Variants in SOHLH2 observed in about 807,000 individuals in gnomAD.
The protein encoded by SOHLH2 is spermatogenesis and oogenesis specific basic helix-loop-helix 2.
In SOHLH2, 22 loss-of-function variants were observed where a neutral mutation model predicts 50.4. The ratio of observed to expected loss-of-function variants is 0.44; its 90% CI spans 0.31 to 0.62. The LOEUF is 0.62. Ranked by LOEUF, SOHLH2 falls within the 20% of genes least tolerant of loss-of-function variation. The probability of loss-of-function intolerance (pLI) is 0.08; values close to 1 mark genes in which losing one functional copy is unlikely to be tolerated. For synonymous variants in SOHLH2, 185 were observed against 187.3 expected (o/e 0.99, Z 0.10); for missense variants, 412 against 504.4 (o/e 0.82, Z 1.76).
At chr13:36,189,924 A>G (rs937064169) in intron 6 of SOHLH2, 22 bp downstream of exon 6, 2 of 1,555,938 alleles carry the variant, frequency 1.3e-6, no homozygotes, top group African/African-American at 1.4e-5. Flanking sequence ...TAATGCTTAA[A>G]AAGTGCTATA....
intron 1 of SOHLH2, among the ~76,000 whole-genome samples, chr13:36,208,183 A>G (rs1301324974): frequency 6.6e-6 from 1 of 152,130 alleles, no homozygotes. Context: ...TGAAAGTTAT[A>G]CCCTCTGTTC....
chr13:36,193,540 C>G, intron 4 of SOHLH2, 81 bp downstream of exon 4: 1 of 1,393,136 alleles, frequency 7.2e-7, no homozygotes, highest in Non-Finnish European at 9.7e-7. Context: ...TTTATTTATG[C>G]TTGTTTTTGT....
At chr13:36,190,740 A>C (rs559212153) in intron 5 of SOHLH2, among the ~76,000 whole-genome samples, 1 of 152,340 alleles carries the variant, frequency 6.6e-6, no homozygotes, top group South Asian at 2.1e-4. Context: ...TTTTTTAAAA[A>C]GAAAAGCAGT....
chr13:36,183,077 T>C, intron 6 of SOHLH2: 2 of 253,710 alleles, frequency 7.9e-6, no homozygotes, highest in Admixed American at 3.4e-5. Context: ...GGCCTCTCCT[T>C]TCTCTCTCTC....
intron 9 of SOHLH2, among the ~76,000 whole-genome samples, chr13:36,171,036 T>C (rs1282937456): frequency 6.6e-6 from 1 of 152,208 alleles, no homozygotes; most frequent in Non-Finnish European, 1.5e-5. Flanking sequence ...AAGATCCCTG[T>C]GCCTTCTGAT....
chr13:36,191,217 G>A (rs910445183), intron 5 of SOHLH2, among the ~76,000 whole-genome samples: 1 of 152,174 alleles, frequency 6.6e-6, no homozygotes, highest in Middle Eastern at 3.2e-3. Flanking sequence ...ATGAGAGAGA[G>A]AGAGACAGAG....
chr13:36,173,218 T>A (rs115829215), intron 9 of SOHLH2, among the ~76,000 whole-genome samples: 1 of 152,168 alleles, frequency 6.6e-6, no homozygotes, highest in African/African-American at 2.4e-5. Flanking sequence ...TAATGGAAGA[T>A]AGGCAACAAA....
chr13:36,175,947 T>C (rs2138271264), intron 6 of SOHLH2, among the ~76,000 whole-genome samples: 1 of 152,154 alleles, frequency 6.6e-6, no homozygotes, highest in South Asian at 2.1e-4. Flanking sequence ...TCCTGAGGAG[T>C]GAATCTAAAA....
At chr13:36,204,139 T>C (rs1477205261) in intron 1 of SOHLH2, among the ~76,000 whole-genome samples, 1 of 151,808 alleles carries the variant, frequency 6.6e-6, no homozygotes, top group Non-Finnish European at 1.5e-5. Flanking sequence ...TTAGTAGAGA[T>C]GAGGTTTCAC....
chr13:36,212,136 G>C (rs1039242367), intron 1 of SOHLH2, among the ~76,000 whole-genome samples: 1 of 152,142 alleles, frequency 6.6e-6, no homozygotes, highest in Non-Finnish European at 1.5e-5. Context: ...AGAAATCTGA[G>C]GGTAGGTAGG....
intron 2 of SOHLH2, among the ~76,000 whole-genome samples, chr13:36,194,076 A>C (rs1214914790): frequency 6.6e-6 from 1 of 151,954 alleles, no homozygotes; most frequent in Non-Finnish European, 1.5e-5. Context: ...AAATGAAAAA[A>C]AAAAGCCTAA....
At chr13:36,205,842 T>C (rs748089320) in intron 1 of SOHLH2, among the ~76,000 whole-genome samples, 2 of 152,056 alleles carry the variant, frequency 1.3e-5, no homozygotes, top group African/African-American at 4.8e-5. Flanking sequence ...AAGACATTTA[T>C]AGAGCTGGAT....
chr13:36,189,287 A>G (rs1303770926), intron 6 of SOHLH2, among the ~76,000 whole-genome samples: 1 of 152,094 alleles, frequency 6.6e-6, no homozygotes, highest in Non-Finnish European at 1.5e-5. Context: ...CTTTGCTAAA[A>G]TCCTTTAGCA....
intron 1 of SOHLH2, among the ~76,000 whole-genome samples, chr13:36,204,590 AGGGGTGTGTG>A (rs752959800): frequency 4.6e-5 from 7 of 152,070 alleles, no homozygotes; most frequent in East Asian, 1.9e-4. Context: ...AATGCCAGGT[AGGGGTGTGTG>A]GGGGTGTGTG....
At chr13:36,182,033 T>G in intron 6 of SOHLH2, 1 of 979,992 alleles carries the variant, frequency 1.0e-6, no homozygotes, top group Non-Finnish European at 1.2e-6. Flanking sequence ...TTTATTAATG[T>G]TTTAAAAACC....
At chr13:36,196,526 G>A (rs543161587) in intron 2 of SOHLH2, among the ~76,000 whole-genome samples, 6 of 152,272 alleles carry the variant, frequency 3.9e-5, no homozygotes, top group Admixed American at 3.9e-4. Context: ...GGACTGAGCA[G>A]ATGGGACTGA....
At chr13:36,214,373 C>A in intron 1 of SOHLH2, 106 bp downstream of exon 1, 1 of 1,374,130 alleles carries the variant, frequency 7.3e-7, no homozygotes, top group Non-Finnish European at 1.0e-6. Flanking sequence ...AGTTCCCCGA[C>A]AATGAGAGCT....
intron 9 of SOHLH2, among the ~76,000 whole-genome samples, chr13:36,171,840 C>A (rs1318329689): frequency 6.6e-6 from 1 of 152,042 alleles, no homozygotes; most frequent in African/African-American, 2.4e-5. Context: ...TGATGCATAA[C>A]AACAAATATA....
chr13:36,179,676 A>G (rs952349070), intron 6 of SOHLH2, among the ~76,000 whole-genome samples: 2 of 152,028 alleles, frequency 1.3e-5, no homozygotes, highest in Admixed American at 6.6e-5. Context: ...GCCTCCCAAA[A>G]TGCTGGAATT....
Sources: gnomAD v4.1 joint callset for allele counts (sites outside exome capture counted in the v4.1 genomes callset) on GRCh38, gnomAD v4.1.1 for gene constraint, MANE v1.5 for transcripts, NCBI Gene and HGNC (gene_info 2026-07-23, HGNC 2026-07-21) for gene names.